PDE8B: variants seen among roughly 807,000 people sequenced by gnomAD.
PDE8B encodes the protein phosphodiesterase 8B.
Under a neutral mutation model 101.3 loss-of-function variants are expected in PDE8B, and 26 were observed. That is an observed-to-expected ratio of 0.26 (90% CI 0.19 to 0.36). The LOEUF (loss-of-function observed/expected upper bound fraction) is 0.36. Ranked by LOEUF, PDE8B falls within the 10% of genes least tolerant of loss-of-function variation. The pLI is 1.00. For missense variants in PDE8B, 810 were observed against 1,163.1 expected, an observed-to-expected ratio of 0.70 and a Z score of 4.42; for synonymous variants, 424 against 429.3, an observed-to-expected ratio of 0.99 and a Z score of 0.15.
At chr5:77,183,265 G>A in the PDE8B span, among the ~76,000 whole-genome samples, 1 of 152,150 alleles carries the variant, frequency 6.6e-6, no homozygotes, top group South Asian at 2.1e-4. Flanking sequence ...GGCTACAGGT[G>A]CGCACCACCA....
the PDE8B span, among the ~76,000 whole-genome samples, chr5:77,099,258 T>G: frequency 6.6e-6 from 1 of 152,184 alleles, no homozygotes; most frequent in Non-Finnish European, 1.5e-5. Flanking sequence ...AGTTACATGG[T>G]GAGAACTATG....
chr5:77,185,264 A>T, the PDE8B span, among the ~76,000 whole-genome samples: 1 of 152,212 alleles, frequency 6.6e-6, no homozygotes, highest in Non-Finnish European at 1.5e-5. Flanking sequence ...GATAGCTCAC[A>T]CAACCGAGAT....
chr5:77,180,982 G>C, the PDE8B span, among the ~76,000 whole-genome samples: 1 of 151,918 alleles, frequency 6.6e-6, no homozygotes, highest in Admixed American at 6.6e-5. Context: ...GTGTGTGTGT[G>C]TGTGTGTGTG....
intron 1 of PDE8B, among the ~76,000 whole-genome samples, chr5:77,226,201 G>C (rs535595097): frequency 1.3e-5 from 2 of 150,278 alleles, no homozygotes; most frequent in Admixed American, 6.6e-5. Flanking sequence ...GTAAAATATG[G>C]TATATTCAGA....
At chr5:77,345,529 A>G (rs1779985700) in intron 7 of PDE8B, among the ~76,000 whole-genome samples, 1 of 152,244 alleles carries the variant, frequency 6.6e-6, no homozygotes, top group Non-Finnish European at 1.5e-5. Flanking sequence ...AGAATGGTAC[A>G]GCAAATGCTT....
chr5:77,123,848 G>A, the PDE8B span, among the ~76,000 whole-genome samples: 17,522 of 152,258 alleles, frequency 0.12, 1,102 homozygotes, highest in East Asian at 0.16. Flanking sequence ...TTCTGTGTAA[G>A]CTGTGAGACA....
the PDE8B span, among the ~76,000 whole-genome samples, chr5:77,203,023 A>G: frequency 6.6e-6 from 1 of 152,184 alleles, no homozygotes; most frequent in African/African-American, 2.4e-5. Flanking sequence ...CTTATTGAAA[A>G]CATCAGTGAT....
intron 2 of PDE8B, among the ~76,000 whole-genome samples, chr5:77,313,407 C>T (rs1401493640): frequency 1.3e-5 from 2 of 151,866 alleles, no homozygotes; most frequent in African/African-American, 4.8e-5. Flanking sequence ...AGAATACAAA[C>T]AAATGGAAAA....
intron 1 of PDE8B, chr5:77,213,886 T>A (rs556707099): frequency 6.6e-6 from 1 of 152,370 alleles, no homozygotes; most frequent in East Asian, 1.9e-4. Context: ...TCAAACATGA[T>A]GTCAACAGGA....
chr5:77,316,415 G>T (rs1414639201), intron 2 of PDE8B, among the ~76,000 whole-genome samples: 21 of 152,122 alleles, frequency 1.4e-4, no homozygotes. Flanking sequence ...TGTATTTTCA[G>T]TAGAGATGGG....
At chr5:77,379,381 A>G (rs897158276) in intron 10 of PDE8B, among the ~76,000 whole-genome samples, 2 of 152,360 alleles carry the variant, frequency 1.3e-5, no homozygotes, top group African/African-American at 2.4e-5. Context: ...AGTTTCATCT[A>G]TATCAAACCA....
Position 77,293,829 on chromosome 5 carries a change from A to T in PDE8B, c.340-18165A>T, listed in dbSNP as rs558937220. Among the ~76,000 whole-genome samples the T allele has an allele frequency of 2.0e-5, 3 of 152,308 alleles. No homozygotes were observed. The South Asian group carries it at 6.2e-4, about 32-fold the overall frequency. On this transcript the variant is annotated intron_variant, in intron 1 of 21. Transcript: ENST00000264917. Reference sequence around the variant, plus strand: ...TTAATTAGTAATTCCCTGGTGACAAATGATGGCAAGCATCTTCTTTGGTGA... The same window carrying T: ...TTAATTAGTAATTCCCTGGTGACAATTGATGGCAAGCATCTTCTTTGGTGA...
intron 10 of PDE8B, among the ~76,000 whole-genome samples, chr5:77,395,098 A>G (rs1316066763): frequency 6.6e-6 from 1 of 152,050 alleles, no homozygotes; most frequent in African/African-American, 2.4e-5. Context: ...ACTTTGTTTG[A>G]ACCCTATCAA....
At chr5:77,360,897 C>T (rs1208860495) in intron 10 of PDE8B, among the ~76,000 whole-genome samples, 1 of 152,170 alleles carries the variant, frequency 6.6e-6, no homozygotes, top group Non-Finnish European at 1.5e-5. Flanking sequence ...CCCTCTGCCT[C>T]CTTGTAATGT....
chr5:77,303,020 C>T (rs1006457720), intron 1 of PDE8B, among the ~76,000 whole-genome samples: 2 of 152,102 alleles, frequency 1.3e-5, no homozygotes, highest in Non-Finnish European at 2.9e-5. Context: ...ATTTTAAATA[C>T]AACACCTTAT....
In PDE8B at chr5:77,329,008, G is replaced by A; in HGVS notation, c.601G>A (p.Ala201Thr). Residue 201 changes from alanine to threonine, a missense_variant, in exon 4 of 22, where the codon GCC becomes ACC. Physicochemically the swap from Ala to Thr is moderately conservative, Grantham distance 58. Coordinates refer to ENST00000264917, the MANE Select transcript of PDE8B (RefSeq NM_003719.5). ...DAEAVCRSIR[A>T]TNPSEHTVIL... Reference sequence around the variant, plus strand: ...GCCTTCTCATTGCAGGTCGATCCGGGCCACAAATCCCTCCGAGCACACGGT... The same window carrying A: ...GCCTTCTCATTGCAGGTCGATCCGGACCACAAATCCCTCCGAGCACACGGT... The A allele has an allele frequency of 1.2e-6, 2 of 1,613,994 alleles. No individual in the cohort carries two copies. Among genetic ancestry groups the A allele is most frequent in the Middle Eastern group, 3.3e-4 (2 of 6,044 alleles).
At chr5:77,171,245 G>A in the PDE8B span, among the ~76,000 whole-genome samples, 129 of 152,310 alleles carry the variant, frequency 8.5e-4, 1 homozygote, top group African/African-American at 3.0e-3. Context: ...AACAAAACAG[G>A]TGGGAAACCT....
intron 1 of PDE8B, among the ~76,000 whole-genome samples, chr5:77,265,357 C>A (rs185146439): frequency 1.5e-4 from 23 of 152,170 alleles, no homozygotes; most frequent in African/African-American, 5.5e-4. Flanking sequence ...AAAATGTTTC[C>A]CTTTCTTATT....
At chr5:77,101,054 C>T in the PDE8B span, among the ~76,000 whole-genome samples, 1 of 147,560 alleles carries the variant, frequency 6.8e-6, no homozygotes, top group African/African-American at 2.5e-5. Context: ...ATTGCAGCCT[C>T]ATCCTCCTGG....
Sources: allele counts gnomAD v4.1 joint callset (sites outside exome capture counted in the v4.1 genomes callset), GRCh38; gene constraint gnomAD v4.1.1; transcripts MANE v1.5; gene names NCBI Gene and HGNC (gene_info 2026-07-23, HGNC 2026-07-21).